Variants in SIL1 observed in about 807,000 individuals in gnomAD.
SIL1 encodes the protein SIL1 nucleotide exchange factor.
Under a neutral mutation model 49.1 loss-of-function variants are expected in SIL1, and 40 were observed. The ratio of observed to expected loss-of-function variants is 0.81; its 90% CI spans 0.63 to 1.06. The LOEUF (loss-of-function observed/expected upper bound fraction) is 1.06, where lower values mean the gene tolerates loss of function less well. Ranked by LOEUF, SIL1 falls within the 50% of genes least tolerant of loss-of-function variation. The pLI is 0.00. For missense variants in SIL1, 500 were observed against 572.6 expected (o/e 0.87, Z 1.29); for synonymous variants, 253 against 250.8 (o/e 1.01, Z -0.08).
chr5:139,157,010 C>T (rs1177866341), intron 1 of SIL1, among the ~76,000 whole-genome samples: 1 of 152,180 alleles, frequency 6.6e-6, no homozygotes, highest in East Asian at 1.9e-4. Flanking sequence ...CCTCCCCAAG[C>T]CAGACTTGTC....
intron 7 of SIL1, among the ~76,000 whole-genome samples, chr5:139,006,696 G>A (rs1461929465): frequency 4.7e-5 from 7 of 149,388 alleles, no homozygotes; most frequent in South Asian, 4.2e-4. Context: ...AGTTTTCCCA[G>A]CACCATTTAT....
intron 7 of SIL1, among the ~76,000 whole-genome samples, chr5:139,020,791 C>T (rs753422851): frequency 2.0e-5 from 3 of 152,162 alleles, no homozygotes; most frequent in Non-Finnish European, 4.4e-5. Flanking sequence ...CTGAAAGCAC[C>T]CCCTTGGTCA....
chr5:139,024,711 C>G (rs908966435), intron 6 of SIL1, among the ~76,000 whole-genome samples: 14 of 152,246 alleles, frequency 9.2e-5, no homozygotes, highest in African/African-American at 3.4e-4. Context: ...CCAAGCCCCC[C>G]ACCTGCAGTC....
intron 7 of SIL1, among the ~76,000 whole-genome samples, chr5:138,991,477 G>T (rs1232746822): frequency 6.6e-6 from 1 of 152,168 alleles, no homozygotes; most frequent in African/African-American, 2.4e-5. Flanking sequence ...CTTTTACTCA[G>T]GGCTGTTCAT....
chr5:138,967,381 G>A (rs977750878), intron 7 of SIL1, among the ~76,000 whole-genome samples: 5 of 152,136 alleles, frequency 3.3e-5, no homozygotes, highest in African/African-American at 1.2e-4. Context: ...TTTCAGAACC[G>A]CTAGGCTAGA....
chr5:138,996,763 C>T (rs907122610), intron 7 of SIL1, among the ~76,000 whole-genome samples: 4 of 152,014 alleles, frequency 2.6e-5, no homozygotes, highest in African/African-American at 9.7e-5. Flanking sequence ...TGTGATCCGC[C>T]TGCCTCGACC....
At chr5:138,956,514 C>T (rs187795165) in intron 7 of SIL1, among the ~76,000 whole-genome samples, 4 of 152,170 alleles carry the variant, frequency 2.6e-5, no homozygotes, top group Admixed American at 6.5e-5. Flanking sequence ...GAGGCTGAGG[C>T]GGGCAGATCA....
At chr5:139,168,571 G>A (rs1377961928) in intron 1 of SIL1, among the ~76,000 whole-genome samples, 1 of 152,066 alleles carries the variant, frequency 6.6e-6, no homozygotes, top group Non-Finnish European at 1.5e-5. Flanking sequence ...CCGGTTGCAA[G>A]CCCCTTTCCC....
intron 7 of SIL1, among the ~76,000 whole-genome samples, chr5:139,011,318 G>A (rs1393627748): frequency 6.6e-6 from 1 of 152,134 alleles, no homozygotes; most frequent in Non-Finnish European, 1.5e-5. Context: ...GCCCTGCTTC[G>A]GCTCCCGCAC....
At chr5:139,191,346 C>G (rs1752164408) in intron 1 of SIL1, among the ~76,000 whole-genome samples, 1 of 151,676 alleles carries the variant, frequency 6.6e-6, no homozygotes, top group Non-Finnish European at 1.5e-5. Flanking sequence ...TCAATGTTGT[C>G]TGTATCGATT....
chr5:139,106,650 C>T (rs531690125), intron 3 of SIL1, among the ~76,000 whole-genome samples: 2 of 152,200 alleles, frequency 1.3e-5, no homozygotes, highest in East Asian at 1.9e-4. Context: ...CCAGAACCCC[C>T]GATACCTGAC....
chr5:139,029,234 G>T (rs945347673), intron 5 of SIL1, among the ~76,000 whole-genome samples: 5 of 152,206 alleles, frequency 3.3e-5, no homozygotes, highest in Non-Finnish European at 5.9e-5. Flanking sequence ...TGGAGTTATA[G>T]AAGAAATGGC....
At chr5:139,138,579 C>G (rs1042395604) in intron 1 of SIL1, among the ~76,000 whole-genome samples, 1 of 152,180 alleles carries the variant, frequency 6.6e-6, no homozygotes, top group African/African-American at 2.4e-5. Context: ...CCAAGTCTCC[C>G]CTACTAGCTG....
At chr5:139,151,479 A>G (rs996181822) in intron 1 of SIL1, among the ~76,000 whole-genome samples, 1 of 152,250 alleles carries the variant, frequency 6.6e-6, no homozygotes, top group African/African-American at 2.4e-5. Context: ...AGCCATGCCA[A>G]ACAGCATACA....
chr5:139,057,067 A>G (rs569877275), intron 3 of SIL1, among the ~76,000 whole-genome samples: 36 of 152,160 alleles, frequency 2.4e-4, no homozygotes, highest in South Asian at 2.1e-3. Flanking sequence ...TCAGGGTTAA[A>G]TGGATTAAGG....
intron 3 of SIL1, among the ~76,000 whole-genome samples, chr5:139,111,909 G>A (rs1410232497): frequency 1.3e-5 from 2 of 152,186 alleles, no homozygotes; most frequent in Non-Finnish European, 2.9e-5. Context: ...AAGCTGGACT[G>A]TACTGCTGCC....
intron 3 of SIL1, among the ~76,000 whole-genome samples, chr5:139,071,855 C>G (rs561350418): frequency 6.6e-6 from 1 of 151,714 alleles, no homozygotes; most frequent in Admixed American, 6.6e-5. Context: ...TTAGTAGAGA[C>G]GGGGTTTCAC....
Position 138,947,621 on chromosome 5 carries a change from A to G in SIL1, c.1030-148T>C. The G allele has an allele frequency of 1.5e-6, 1 of 688,122 alleles. No individual in the cohort carries two copies. Among genetic ancestry groups the G allele is most frequent in the Non-Finnish European group, 2.6e-6 (1 of 382,620 alleles). The allele number at this position is 688,122 out of a possible 1,614,324, so 42.6% of individuals were successfully genotyped here. A position where few individuals can be genotyped will look rare whatever the true frequency, so the allele number is the denominator to read the frequency against. On this transcript the variant is annotated intron_variant, in intron 9 of 9. Coordinates refer to ENST00000394817, the MANE Select transcript of SIL1 (RefSeq NM_022464.5). The surrounding 1 kb of genome is among the most constrained non-coding windows in gnomAD (Gnocchi z 4.1). ...AGGGCCCACCTCTTCCTCTATCCCC[A>G]AGTCTGTCTGTCTATTCATTCATTC...
intron 3 of SIL1, 78 bp from the exon 4 acceptor site, chr5:139,051,124 G>C: frequency 7.7e-7 from 1 of 1,292,354 alleles, no homozygotes; most frequent in South Asian, 1.2e-5. Context: ...AAGCCAACAG[G>C]ACTTACTAGT....
Sources: gnomAD v4.1 joint callset for allele counts (sites outside exome capture counted in the v4.1 genomes callset) on GRCh38, gnomAD v4.1.1 for gene constraint, Gnocchi (gnomAD v3.1) non-coding constraint, MANE v1.5 for transcripts, NCBI Gene and HGNC (gene_info 2026-07-23, HGNC 2026-07-21) for gene names.